Variants in WDR7 observed in about 807,000 individuals in gnomAD.
The protein encoded by WDR7 is WD repeat-containing protein 7.
WDR7 carries 46 observed loss-of-function variants against 169.4 expected under a neutral mutation model. The ratio of observed to expected loss-of-function variants is 0.27; its 90% CI spans 0.21 to 0.35. WDR7 has a LOEUF of 0.35. Among genes scored for constraint, WDR7 ranks in the 10% least tolerant of loss-of-function variants. The probability of loss-of-function intolerance (pLI) is 1.00; values close to 1 mark genes in which losing one functional copy is unlikely to be tolerated. For synonymous variants in WDR7, 612 were observed against 666.8 expected, an observed-to-expected ratio of 0.92 and a Z score of 1.27; for missense variants, 1,534 against 1,859.3, an observed-to-expected ratio of 0.83 and a Z score of 3.22.
rs375967420 is a variant in WDR7 at position 56,830,812 on chromosome 18, T to A, written c.3304+14668T>A. Reference sequence around the variant, plus strand: ...ACCTCTGTCTCCTGGGTTCCAGCGATTCTCCTGCCTCAGCCTCCTGAGTAG... The same window carrying A: ...ACCTCTGTCTCCTGGGTTCCAGCGAATCTCCTGCCTCAGCCTCCTGAGTAG... On this transcript the variant is annotated intron_variant, in intron 20 of 27. Coordinates refer to ENST00000254442, the MANE Select transcript of WDR7 (RefSeq NM_015285.3). Among the ~76,000 whole-genome samples the A allele has an allele frequency of 3.3e-5, 5 of 152,350 alleles. No homozygotes were observed. In the East Asian group the frequency reaches 5.8e-4, roughly 18 times the overall value.
chr18:56,792,787 C>T (rs1397131385), intron 19 of WDR7, among the ~76,000 whole-genome samples: 2 of 151,664 alleles, frequency 1.3e-5, no homozygotes, highest in Non-Finnish European at 2.9e-5. Flanking sequence ...CACACACACA[C>T]ACACAGACAC....
intron 26 of WDR7, among the ~76,000 whole-genome samples, chr18:56,987,466 T>C (rs1456293209): frequency 1.3e-5 from 2 of 152,062 alleles, no homozygotes; most frequent in African/African-American, 4.8e-5. Context: ...TAAGACTCCA[T>C]CTTGATAATG....
intron 19 of WDR7, among the ~76,000 whole-genome samples, chr18:56,802,655 A>G (rs1451846555): frequency 6.6e-6 from 1 of 151,756 alleles, no homozygotes; most frequent in Non-Finnish European, 1.5e-5. Context: ...GGCATGAGCC[A>G]CCGCACCTGG....
intron 21 of WDR7, among the ~76,000 whole-genome samples, chr18:56,904,732 C>G (rs928298947): frequency 1.3e-4 from 20 of 152,116 alleles, no homozygotes; most frequent in African/African-American, 3.4e-4. Context: ...TGTGTAAGCT[C>G]ATGTTTGAAT....
At chr18:56,651,980 T>C (rs2024665790) in intron 1 of WDR7, among the ~76,000 whole-genome samples, 1 of 152,198 alleles carries the variant, frequency 6.6e-6, no homozygotes, top group Non-Finnish European at 1.5e-5. Context: ...GTTGGTACTA[T>C]TTTTGCCCAT....
At chr18:56,894,881 A>G (rs189027537) in intron 21 of WDR7, among the ~76,000 whole-genome samples, 1 of 152,254 alleles carries the variant, frequency 6.6e-6, no homozygotes, top group Admixed American at 6.5e-5. Flanking sequence ...TGTCCAATAT[A>G]AAAAGTATAC....
At chr18:56,921,365 C>A (rs1203513618) in intron 21 of WDR7, among the ~76,000 whole-genome samples, 3 of 152,188 alleles carry the variant, frequency 2.0e-5, no homozygotes, top group Non-Finnish European at 2.9e-5. Context: ...CCTTTTAATG[C>A]CCTCACATGG....
At chr18:56,872,916 G>T (rs2045972994) in intron 20 of WDR7, 1 of 152,076 alleles carries the variant, frequency 6.6e-6, no homozygotes, top group Non-Finnish European at 1.5e-5. Flanking sequence ...CATTTTATTT[G>T]TAGGAAAACA....
chr18:56,750,810 T>C (rs994939632), intron 14 of WDR7, among the ~76,000 whole-genome samples: 1 of 152,208 alleles, frequency 6.6e-6, no homozygotes, highest in South Asian at 2.1e-4. Context: ...ATATCAGACA[T>C]GTTGGTGATT....
At chr18:56,892,268 C>T (rs1372233198) in intron 21 of WDR7, among the ~76,000 whole-genome samples, 4 of 151,890 alleles carry the variant, frequency 2.6e-5, no homozygotes, top group Admixed American at 2.6e-4. Flanking sequence ...TTTATTTTGC[C>T]ACTTGAACTT....
At chr18:56,846,724 T>C (rs2045574336) in intron 20 of WDR7, among the ~76,000 whole-genome samples, 1 of 152,184 alleles carries the variant, frequency 6.6e-6, no homozygotes, top group Admixed American at 6.5e-5. Flanking sequence ...TTCTCTCTCT[T>C]GCTCCCTCTG....
In WDR7 at chr18:56,679,192, G is replaced by A. The variant is rs1036664649; in HGVS notation, c.160-140G>A. 6.5e-6 allele frequency: 4 copies of A among 618,252 alleles called. No homozygotes were observed. In the African/African-American group the frequency reaches 7.4e-5, roughly 11 times the overall value. 38.3% of individuals were successfully genotyped at this position (618,252 alleles called of 1,614,324 possible). A position where few individuals can be genotyped will look rare whatever the true frequency, so the allele number is the denominator to read the frequency against. ...AGTTCTCCCAGGCGGCTCCAGCAGT[G>A]CTTTGCAAGAGCCAGGGGCTAGAAT... On this transcript the variant is annotated intron_variant, in intron 2 of 27. Transcript: ENST00000254442.
At chr18:57,011,778 C>A (rs7243795) in intron 26 of WDR7, among the ~76,000 whole-genome samples, 119,251 of 152,196 alleles carry the variant, frequency 0.78, 48,035 homozygotes, top group East Asian at 0.88. Flanking sequence ...AGATAGTACA[C>A]CCAATAAGAA....
At chr18:57,030,197 G>A (rs1350841051), downstream of WDR7, 1 of 152,182 alleles carries the variant, frequency 6.6e-6, no homozygotes, top group Non-Finnish European at 1.5e-5. Flanking sequence ...CTCAGGTAAA[G>A]GGTATAATTG....
chr18:56,736,456 G>A lies in WDR7; in HGVS notation c.1989+4859G>A, dbSNP rs529137864. On this transcript the variant is annotated intron_variant, in intron 14 of 27. Transcript: ENST00000254442. ...ACATCTTCGTATGATATTATTGAGA[G>A]ACAGAGTATGGAAATGGAAGAAATT... 3.3e-5 allele frequency among the ~76,000 whole-genome samples: 5 copies of A among 151,828 alleles called. No homozygotes were observed. In the East Asian group the frequency reaches 9.7e-4, roughly 29 times the overall value.
chr18:56,993,366 TTTTTTC>T (rs2047844751), intron 26 of WDR7, among the ~76,000 whole-genome samples: 1 of 152,196 alleles, frequency 6.6e-6, no homozygotes, highest in Non-Finnish European at 1.5e-5. Context: ...TCAATTTAAT[TTTTTTC>T]TTTTATTTTC....
chr18:56,751,573 C>G (rs2043793303), intron 14 of WDR7, among the ~76,000 whole-genome samples: 1 of 152,024 alleles, frequency 6.6e-6, no homozygotes, highest in South Asian at 2.1e-4. Context: ...GTCTGTCTAC[C>G]TAATATTGAT....
intron 26 of WDR7, among the ~76,000 whole-genome samples, chr18:56,969,965 T>G (rs971341593): frequency 1.1e-4 from 17 of 152,168 alleles, no homozygotes; most frequent in Admixed American, 4.6e-4. Context: ...TTCCTCAGCT[T>G]CTTCTTAGTT....
intron 21 of WDR7, among the ~76,000 whole-genome samples, chr18:56,892,839 A>G (rs2046282440): frequency 6.6e-6 from 1 of 152,058 alleles, no homozygotes; most frequent in Admixed American, 6.6e-5. Context: ...TGGTAGTAAC[A>G]TTTAGATAGT....
Sources: allele counts gnomAD v4.1 joint callset (sites outside exome capture counted in the v4.1 genomes callset), GRCh38; gene constraint gnomAD v4.1.1; transcripts MANE v1.5; gene names NCBI Gene and HGNC (gene_info 2026-07-23, HGNC 2026-07-21).